The following SCAMP1 variants were observed in gnomAD, a reference collection of about 807,000 sequenced individuals.
The protein encoded by SCAMP1 is secretory carrier-associated membrane protein 1.
SCAMP1 carries 15 observed loss-of-function variants against 41.8 expected under a neutral mutation model. That is an observed-to-expected ratio of 0.36 (90% CI 0.24 to 0.55). The LOEUF (loss-of-function observed/expected upper bound fraction) is 0.55. SCAMP1 is among the 20% of genes least tolerant of loss of function. SCAMP1 has a pLI of 0.86. For missense variants in SCAMP1, 341 were observed against 412.6 expected (o/e 0.83, Z 1.50); for synonymous variants, 135 against 136.8 (o/e 0.99, Z 0.09).
rs1580722413 is a variant in SCAMP1 at position 78,469,917 on chromosome 5, A to C, written c.853-5587A>C. On this transcript the variant is annotated intron_variant, in intron 8 of 8. Transcript: ENST00000621999. ...AAAAAAAAAAAAAAAAAAAAACAAA[A>C]AAAAAAAAAAAAAAACAACAACACA... is the stretch of plus-strand genomic sequence containing the variant. Among the ~76,000 whole-genome samples the C allele has an allele frequency of 8.0e-3, 212 of 26,374 alleles. 3 individuals carry two copies. The highest frequency in any genetic ancestry group is 0.04 in the South Asian group (31 of 782). 17.3% of individuals were successfully genotyped at this position (26,374 alleles called of 152,430 possible). A position where few individuals can be genotyped will look rare whatever the true frequency, so the allele number is the denominator to read the frequency against.
intron 1 of SCAMP1, among the ~76,000 whole-genome samples, chr5:78,381,163 G>A (rs576196223): frequency 3.3e-5 from 5 of 152,342 alleles, no homozygotes; most frequent in African/African-American, 1.2e-4. Flanking sequence ...GGAAATCGAT[G>A]TTGATGGAGC....
chr5:78,387,948 A>T (rs546373325), intron 1 of SCAMP1, among the ~76,000 whole-genome samples: 18 of 152,360 alleles, frequency 1.2e-4, no homozygotes, highest in Admixed American at 9.8e-4. Context: ...AGAGCACATT[A>T]GCTGCAGTAG....
rs1754101212 is a variant in SCAMP1 at position 78,479,996 on chromosome 5, A to G, written c.*4328A>G. On this transcript the variant is annotated 3_prime_UTR_variant, in exon 9 of 9. Coordinates refer to ENST00000621999, the MANE Select transcript of SCAMP1 (RefSeq NM_004866.6). ...GGGAGGCGGAGCTTGCAGTGAGCCG[A>G]GATCTCTCCACTGCACTCCAGCCTG... 6.6e-6 allele frequency among the ~76,000 whole-genome samples: 1 copy of G among 151,896 alleles called. No individual in the cohort carries two copies. The highest frequency in any genetic ancestry group is 6.6e-5 in the Admixed American group (1 of 15,246).
chr5:78,432,374 G>A (rs1010153994), intron 6 of SCAMP1, among the ~76,000 whole-genome samples: 13 of 151,822 alleles, frequency 8.6e-5, no homozygotes, highest in Non-Finnish European at 1.5e-4. Context: ...TAATATTTTT[G>A]GTAGAACAGG....
At chr5:78,462,463 G>A (rs1000474789) in intron 8 of SCAMP1, among the ~76,000 whole-genome samples, 3 of 151,976 alleles carry the variant, frequency 2.0e-5, no homozygotes, top group Admixed American at 6.6e-5. Context: ...CTGAGTAGTC[G>A]GGATTACAGA....
chr5:78,397,878 A>G lies in SCAMP1; in HGVS notation c.135+8964A>G, dbSNP rs76283282. Among the ~76,000 whole-genome samples the G allele has an allele frequency of 5.2e-3, 787 of 152,378 alleles. 11 individuals are homozygous for G. The highest frequency in any genetic ancestry group is 0.018 in the African/African-American group (758 of 41,594). ...TCAACATTGTTAGCTGTCAAGATGC[A>G]AATGAAAACCACAAGGAGGATACCA... On this transcript the variant is annotated intron_variant, in intron 2 of 8. Coordinates refer to ENST00000621999, the MANE Select transcript of SCAMP1 (RefSeq NM_004866.6).
At chr5:78,412,354 G>T (rs1752100539) in intron 2 of SCAMP1, among the ~76,000 whole-genome samples, 1 of 150,930 alleles carries the variant, frequency 6.6e-6, no homozygotes. Flanking sequence ...GTATTTTAGT[G>T]TCTTTATAGT....
intron 2 of SCAMP1, among the ~76,000 whole-genome samples, chr5:78,412,453 C>A (rs566384978): frequency 6.6e-6 from 1 of 151,724 alleles, no homozygotes; most frequent in African/African-American, 2.4e-5. Context: ...TGTTTTTCCT[C>A]CCCCAATTTA....
chr5:78,418,807 A>G lies in SCAMP1; in HGVS notation c.376A>G (p.Asn126Asp). ...AAATAATTGGCCACCTCTTCCTAGC[A>G]ATTTTCCTGTCGGACCTTGTTTCTA... ...RKNNWPPLPSNFPVGPCFYQD... is the reference protein window; with the variant it reads ...RKNNWPPLPSDFPVGPCFYQD... Residue 126 changes from asparagine (N) to aspartate (D), a missense_variant, in exon 5 of 9, where the codon AAT becomes GAT. Coordinates refer to ENST00000621999, the MANE Select transcript of SCAMP1 (RefSeq NM_004866.6). 1.3e-6 allele frequency: 2 copies of G among 1,568,050 alleles called. No homozygotes were observed. The highest frequency in any genetic ancestry group is 1.7e-6 in the Non-Finnish European group (2 of 1,156,814).
At chr5:78,454,567 C>T (rs1299329384) in intron 7 of SCAMP1, among the ~76,000 whole-genome samples, 69 of 148,356 alleles carry the variant, frequency 4.7e-4, no homozygotes, top group African/African-American at 1.8e-3. Context: ...TTTTGATGTG[C>T]TGCTGGATTC....
At chr5:78,428,725 G>T (rs1434783913) in intron 6 of SCAMP1, among the ~76,000 whole-genome samples, 1 of 152,020 alleles carries the variant, frequency 6.6e-6, no homozygotes, top group Non-Finnish European at 1.5e-5. Context: ...TTAATACCCT[G>T]ACAGCATTGA....
rs1754005671 is a variant in SCAMP1 at position 78,476,383 on chromosome 5, A to AT, written c.*715_*716insT. On this transcript the variant is annotated 3_prime_UTR_variant, in exon 9 of 9. Transcript: ENST00000621999. Reference sequence around the variant, plus strand: ...TATTCTGCAAGAATTTCTTTTAAATAAAAAGTTTGGGGGTGCAATATAAGA... The same window carrying AT: ...TATTCTGCAAGAATTTCTTTTAAATATAAAAGTTTGGGGGTGCAATATAAGA... 2 of 152,464 alleles carry AT rather than the reference A, an allele frequency of 1.3e-5. No homozygotes were observed. Among genetic ancestry groups the AT allele is most frequent in the East Asian group, 3.8e-4 (2 of 5,204 alleles). 9.4% of individuals were successfully genotyped at this position (152,464 alleles called of 1,614,324 possible).
intron 8 of SCAMP1, among the ~76,000 whole-genome samples, chr5:78,472,199 G>T (rs1469075437): frequency 6.6e-6 from 1 of 151,956 alleles, no homozygotes; most frequent in Non-Finnish European, 1.5e-5. Flanking sequence ...CCATCAACTG[G>T]TGCATTTTTT....
chr5:78,440,475 A>T (rs1209781134), intron 6 of SCAMP1, among the ~76,000 whole-genome samples: 1 of 152,110 alleles, frequency 6.6e-6, no homozygotes, highest in Non-Finnish European at 1.5e-5. Context: ...CTGGAGGTCC[A>T]CTCCAGACTG....
intron 6 of SCAMP1, among the ~76,000 whole-genome samples, chr5:78,424,121 C>T (rs1287880602): frequency 1.3e-5 from 2 of 151,994 alleles, no homozygotes; most frequent in Non-Finnish European, 2.9e-5. Context: ...CGGCCTCTGC[C>T]CACCTCGGCC....
intron 4 of SCAMP1, among the ~76,000 whole-genome samples, chr5:78,417,137 G>A (rs970015418): frequency 6.6e-6 from 1 of 152,178 alleles, no homozygotes; most frequent in Non-Finnish European, 1.5e-5. Context: ...GTGAATTGTT[G>A]CAGTGAATTC....
intron 1 of SCAMP1, among the ~76,000 whole-genome samples, chr5:78,363,091 A>C (rs1750701522): frequency 6.6e-6 from 1 of 151,480 alleles, no homozygotes; most frequent in Admixed American, 6.6e-5. Flanking sequence ...ACAGGGTTTC[A>C]TTGTATTGGC....
intron 6 of SCAMP1, among the ~76,000 whole-genome samples, chr5:78,424,509 C>T (rs1752418285): frequency 6.6e-6 from 1 of 152,090 alleles, no homozygotes; most frequent in Non-Finnish European, 1.5e-5. Flanking sequence ...GCTGGCGGAT[C>T]ACATGAGGTC....
intron 6 of SCAMP1, among the ~76,000 whole-genome samples, chr5:78,437,060 A>C (rs1481347315): frequency 6.6e-6 from 1 of 152,164 alleles, no homozygotes; most frequent in Non-Finnish European, 1.5e-5. Context: ...TGATTTTTGC[A>C]CATTGATTTT....
Sources: gnomAD v4.1 joint callset for allele counts (sites outside exome capture counted in the v4.1 genomes callset) on GRCh38, gnomAD v4.1.1 for gene constraint, MANE v1.5 for transcripts, NCBI Gene and HGNC (gene_info 2026-07-23, HGNC 2026-07-21) for gene names.